Variants in TTN observed in about 807,000 individuals in gnomAD.
The protein encoded by TTN is titin.
A neutral mutation model predicts 3,223.0 loss-of-function variants in TTN; 1,525 were observed. The observed-to-expected ratio is 0.47, with a 90% CI of 0.45 to 0.49. The LOEUF (loss-of-function observed/expected upper bound fraction) is 0.49, where lower values mean the gene tolerates loss of function less well. Ranked by LOEUF, TTN falls within the 20% of genes least tolerant of loss-of-function variation. The pLI, the probability that TTN is intolerant of heterozygous loss-of-function variation, is 0.00. For missense variants in TTN, 40,786 were observed against 43,424.0 expected (o/e 0.94, Z 5.40); for synonymous variants, 14,094 against 15,161.0 (o/e 0.93, Z 5.17).
In TTN at chr2:178,611,476, A is replaced by C; in HGVS notation, c.50753T>G (p.Val16918Gly). ...CAGGACATATTCTTTGTCAGGAACA[A>C]CACCTTCTTCAACCTTGAATTTCAA... ...KDLKFKVEEGVVPDKEYVLRV... is the reference protein window; with the variant it reads ...KDLKFKVEEGGVPDKEYVLRV... Residue 16918 changes from valine (V) to glycine (G), a missense_variant, in exon 269 of 363, where the codon GTT becomes GGT. Physicochemically the swap from Val to Gly is moderately radical, Grantham distance 109 (BLOSUM62 -3). Coordinates refer to ENST00000589042, the MANE Select transcript of TTN (RefSeq NM_001267550.2). The C allele has an allele frequency of 6.2e-7, 1 of 1,612,958 alleles. No individual in the cohort carries two copies. Among genetic ancestry groups the C allele is most frequent in the Non-Finnish European group, 8.5e-7 (1 of 1,179,322 alleles).
intron 295 of TTN, 92 bp from the exon 296 acceptor site, chr2:178,594,738 A>T: frequency 1.9e-6 from 2 of 1,072,096 alleles, no homozygotes; most frequent in Non-Finnish European, 2.7e-6. Flanking sequence ...TGAAGATTGC[A>T]TTTAAACATT....
In TTN at chr2:178,562,954, G is replaced by T. The variant is rs1704233145; in HGVS notation, c.83178C>A (p.Ser27726Arg). ...LTDRAQIEVT[S>R]SFTMLVIDNV... ...TATCAATCACCAACATTGTAAATGA[G>T]CTGGTCACCTCTATCTGAGCCCTGT... The change falls in exon 326 of 363, where the codon AGC (serine) becomes AGA (arginine). Residue 27726 changes from serine to arginine, a missense_variant. By Grantham distance (110) the Ser-to-Arg change is moderately radical (BLOSUM62 -1). Transcript: ENST00000589042. 1 of 1,613,532 alleles carries T rather than the reference G, an allele frequency of 6.2e-7. No homozygotes were observed. Among genetic ancestry groups the T allele is most frequent in the Non-Finnish European group, 8.5e-7 (1 of 1,179,720 alleles).
Position 178,692,100 on chromosome 2 carries a change from CT to C in TTN, c.31679-2del. The C allele has an allele frequency of 6.2e-7, 1 of 1,611,610 alleles. No individual in the cohort carries two copies. The highest frequency in any genetic ancestry group is 8.5e-7 in the Non-Finnish European group (1 of 1,178,256). On this transcript the variant is annotated splice_acceptor_variant, in intron 120 of 362. Coordinates refer to ENST00000589042, the MANE Select transcript of TTN (RefSeq NM_001267550.2). LOFTEE classifies it high-confidence loss of function. Reference sequence around the variant, plus strand: ...ACGGGTTTCTTGGGAACCTCAGGAACTTTAAAGATACAATTGTTGAAATAAT... The same window carrying C: ...ACGGGTTTCTTGGGAACCTCAGGAACTTAAAGATACAATTGTTGAAATAAT...
chr2:178,602,051 G>A lies in TTN; in HGVS notation c.55220C>T (p.Thr18407Ile). 1 of 1,612,756 alleles carries A rather than the reference G, an allele frequency of 6.2e-7. No homozygotes were observed. Among genetic ancestry groups the A allele is most frequent in the African/African-American group, 1.3e-5 (1 of 74,938 alleles). ...RIPAVIKGRP[T>I]PKSSWEFDGK... is the part of the protein sequence containing the mutation. ...ATCAAATTCCCAAGATGATTTTGGT[G>A]TTGGGCGTCCCTTGATGACAGCAGG... The change falls in exon 284 of 363, where the codon ACA becomes ATA. Residue 18407 changes from threonine (T) to isoleucine (I), a missense_variant. By Grantham distance (89) the Thr-to-Ile change is moderately conservative. Transcript: ENST00000589042.
Position 178,585,263 on chromosome 2 carries a change from G to A in TTN, c.64481C>T (p.Pro21494Leu), listed in dbSNP as rs587780492. The change falls in exon 309 of 363, where the codon CCT becomes CTT. Residue 21494 changes from proline (P) to leucine (L), a missense_variant. Coordinates refer to ENST00000589042, the MANE Select transcript of TTN (RefSeq NM_001267550.2). ...TTTTTTCCATTTACAGGTGGGATGA[G>A]GCTTTCCATACACATGGGCTTCAAT... ...LRIEAHVYGK[P>L]HPTCKWKKGE... The A allele has an allele frequency of 2.5e-5, 41 of 1,613,080 alleles. No homozygotes were observed. Among genetic ancestry groups the A allele is most frequent in the Non-Finnish European group, 3.0e-5 (35 of 1,179,408 alleles).
At chr2:178,687,882 T>G (rs1395908367) in intron 127 of TTN, among the ~76,000 whole-genome samples, 1 of 152,166 alleles carries the variant, frequency 6.6e-6, no homozygotes, top group East Asian at 1.9e-4. Flanking sequence ...TTTTATTCTA[T>G]GTAGGCAAGT....
At position 178,542,912 on chromosome 2, in the gene TTN, C is replaced by T. The variant is rs779796308; in HGVS notation, c.96942G>A (p.Lys32314=). The T allele has an allele frequency of 2.5e-6, 4 of 1,611,708 alleles. No individual in the cohort carries two copies. In the South Asian group the frequency reaches 4.4e-5, roughly 18 times the overall value. Residue 32314 remains lysine (K), a synonymous_variant, in exon 348 of 363, where the codon AAG becomes AAA. Coordinates refer to ENST00000589042, the MANE Select transcript of TTN (RefSeq NM_001267550.2). ...PTIDLSTMPQ[K]TIHVPAGRPV... ...GTCTGCCAGCTGGGACATGGATGGT[C>T]TTCTGAGGCATTGTAGAAAGATCGA...
chr2:178,629,279 A>G, intron 240 of TTN, 22 bp downstream of exon 240: 2 of 1,609,598 alleles, frequency 1.2e-6, no homozygotes, highest in Non-Finnish European at 1.7e-6. Context: ...AACGGGAAAG[A>G]CAAGGCATGC....
At chr2:178,753,469 C>T (rs2086135727) in intron 46 of TTN, 1 of 261,936 alleles carries the variant, frequency 3.8e-6, no homozygotes, top group Admixed American at 5.2e-5. Flanking sequence ...AATCTACAAA[C>T]CGAAGGAATA....
Position 178,636,302 on chromosome 2 carries a change from G to A in TTN, c.41330-61C>T. The stretch of plus-strand genomic sequence containing the variant: ...AATATTTTCAATGAAATAAAACTTG[G>A]AAATAAGAGGTTTTGTAAAACTACA... On this transcript the variant is annotated intron_variant, in intron 225 of 362. Coordinates refer to ENST00000589042, the MANE Select transcript of TTN (RefSeq NM_001267550.2). This position sits in a 1 kb window ranked among gnomAD's most constrained non-coding sequence, Gnocchi z 4.3. 1 of 1,482,734 alleles carries A rather than the reference G, an allele frequency of 6.7e-7. No homozygotes were observed. The highest frequency in any genetic ancestry group is 9.0e-7 in the Non-Finnish European group (1 of 1,116,506). The allele number at this position is 1,482,734 out of a possible 1,614,324, so 91.8% of individuals were successfully genotyped here. A position where few individuals can be genotyped will look rare whatever the true frequency, so the allele number is the denominator to read the frequency against.
Position 178,567,571 on chromosome 2 carries a change from C to T in TTN, c.78561G>A (p.Glu26187=). ...DSTGPITAKD[E]VELPRISMDP... ...CCATTGAAATTCTTGGGAGTTCAAC[C>T]TCATCCTTGGCAGTTATTGGTCCAG... The change falls in exon 326 of 363, where the codon GAG becomes GAA. Residue 26187 remains glutamate (E), a synonymous_variant. Transcript: ENST00000589042. 1 of 1,609,446 alleles carries T rather than the reference C, an allele frequency of 6.2e-7. No homozygotes were observed. Among genetic ancestry groups the T allele is most frequent in the East Asian group, 2.2e-5 (1 of 44,722 alleles).
Position 178,684,948 on chromosome 2 carries a change from G to C in TTN, c.32512C>G (p.Pro10838Ala), listed in dbSNP as rs911717612. ...PKKIVPEKKV[P>A]APVPKKEKVP... Reference sequence around the variant, plus strand: ...TTTTCCTTTTTAGGAACTGGAGCAGGAACTTTCTTTTCTGGCACAATTTTC... The same window carrying C: ...TTTTCCTTTTTAGGAACTGGAGCAGCAACTTTCTTTTCTGGCACAATTTTC... The change falls in exon 130 of 363, where the codon CCT becomes GCT. Residue 10838 changes from proline (P) to alanine (A), a missense_variant. Pro to Ala is a conservative substitution (Grantham distance 27). Coordinates refer to ENST00000589042, the MANE Select transcript of TTN (RefSeq NM_001267550.2). 13 of 1,609,228 alleles carry C rather than the reference G, an allele frequency of 8.1e-6. No homozygotes were observed. In the Middle Eastern group the frequency reaches 6.6e-4, roughly 82 times the overall value.
Position 178,730,488 on chromosome 2 carries a change from A to G in TTN, c.18028+17T>C, listed in dbSNP as rs764325809. On this transcript the variant is annotated intron_variant, in intron 61 of 362. Coordinates refer to ENST00000589042, the MANE Select transcript of TTN (RefSeq NM_001267550.2). The stretch of plus-strand genomic sequence containing the variant: ...TATTTTGTAAGTTCTTGATAAGTGG[A>G]AATAAAATTTGCCAACCTTTGACTG... 39 of 1,582,812 alleles carry G rather than the reference A, an allele frequency of 2.5e-5. No individual in the cohort carries two copies. The highest frequency in any genetic ancestry group is 2.3e-5 in the Non-Finnish European group (27 of 1,163,526).
chr2:178,771,209 G>C lies in TTN; in HGVS notation c.8116+2C>G, dbSNP rs2091435800. The C allele has an allele frequency of 6.2e-7, 1 of 1,613,762 alleles. No homozygotes were observed. The highest frequency in any genetic ancestry group is 1.3e-5 in the African/African-American group (1 of 74,896). On this transcript the variant is annotated splice_donor_variant, in intron 34 of 362. Transcript: ENST00000589042. LOFTEE classifies it high-confidence loss of function. The stretch of plus-strand genomic sequence containing the variant: ...GAAAAGGACAAATCCTATGTTACTT[G>C]CCTTCAACTTTGAGTTTGGCAGATG...
At position 178,621,613 on chromosome 2, in the gene TTN, T is replaced by C. The variant is rs1441511907; in HGVS notation, c.45211A>G (p.Ile15071Val). ...VIWYKGDEEI[I>V]ETGRYEILTE... ...AGTATTTCATATCTTCCTGTTTCAA[T>C]GATCTCCTCATCCCCTTTATACCAA... Residue 15071 changes from isoleucine to valine, a missense_variant, in exon 245 of 363, where the codon ATT becomes GTT. By Grantham distance (29) the Ile-to-Val change is conservative. Coordinates refer to ENST00000589042, the MANE Select transcript of TTN (RefSeq NM_001267550.2). 4 of 1,612,582 alleles carry C rather than the reference T, an allele frequency of 2.5e-6. No individual in the cohort carries two copies. Among genetic ancestry groups the C allele is most frequent in the Non-Finnish European group, 2.5e-6 (3 of 1,179,118 alleles).
chr2:178,692,308 C>T (rs1193522700), intron 120 of TTN, among the ~76,000 whole-genome samples, 189 bp downstream of exon 120: 1 of 151,952 alleles, frequency 6.6e-6, no homozygotes, highest in East Asian at 1.9e-4. Flanking sequence ...ACCCAGTTAG[C>T]GTGATCTGGA....
rs1558975674 is a variant in TTN, at chr2:178,529,252, T to G, written c.106532-33A>C. 8 of 1,388,078 alleles carry G rather than the reference T, an allele frequency of 5.8e-6. 1 individual carries two copies. The highest frequency in any genetic ancestry group is 1.6e-5 in the South Asian group (1 of 62,288). 86.0% of individuals were successfully genotyped at this position (1,388,078 alleles called of 1,614,324 possible). A position where few individuals can be genotyped will look rare whatever the true frequency, so the allele number is the denominator to read the frequency against. On this transcript the variant is annotated intron_variant, in intron 359 of 362. Transcript: ENST00000589042. ...AGAAACCTCTGTAAGGCAAACTTAA[T>G]TAGAAAGAGACCCCCACCTTTTACT...
In TTN at chr2:178,777,965, G is replaced by A. The variant is rs1384131328; in HGVS notation, c.4219C>T (p.Pro1407Ser). 1 of 1,613,690 alleles carries A rather than the reference G, an allele frequency of 6.2e-7. No individual in the cohort carries two copies. Among genetic ancestry groups the A allele is most frequent in the Non-Finnish European group, 8.5e-7 (1 of 1,179,816 alleles). ...ATAGGAGACCTGCTCACTGAACGTG[G>A]AGAGAGAGATCTGCAAAACAAAGAC... ...EPVSRIRSLSPRSVSRSPIRM... is the reference protein window; with the variant it reads ...EPVSRIRSLSSRSVSRSPIRM... The change falls in exon 25 of 363, where the codon CCA becomes TCA. Residue 1407 changes from proline to serine, a missense_variant. Coordinates refer to ENST00000589042, the MANE Select transcript of TTN (RefSeq NM_001267550.2).
intron 71 of TTN, 100 bp downstream of exon 71, chr2:178,725,268 T>C (rs928728601): frequency 1.3e-5 from 16 of 1,271,432 alleles, no homozygotes; most frequent in Non-Finnish European, 1.4e-5. Flanking sequence ...TGAGGATAAA[T>C]ATAGTTCTAG....
Sources: gnomAD v4.1 joint callset for allele counts (sites outside exome capture counted in the v4.1 genomes callset) on GRCh38, gnomAD v4.1.1 for gene constraint, Gnocchi (gnomAD v3.1) non-coding constraint, MANE v1.5 for transcripts, NCBI Gene and HGNC (gene_info 2026-07-23, HGNC 2026-07-21) for gene names.